The following NIPSNAP2 variants were observed in gnomAD, a reference collection of about 807,000 sequenced individuals.
NIPSNAP2 encodes the protein protein NipSnap homolog 2.
A neutral mutation model predicts 48.4 loss-of-function variants in NIPSNAP2; 42 were observed. The ratio of observed to expected loss-of-function variants is 0.87; its 90% CI spans 0.68 to 1.12. The LOEUF (loss-of-function observed/expected upper bound fraction) is 1.12. Ranked by LOEUF, NIPSNAP2 falls within the 50% of genes most tolerant of loss-of-function variation. NIPSNAP2 has a pLI of 0.00. For missense variants in NIPSNAP2, 314 were observed against 347.3 expected (o/e 0.90, Z 0.76); for synonymous variants, 158 against 126.6 (o/e 1.25, Z -1.67).
At chr7:55,971,535 T>G (rs1473071652) in intron 1 of NIPSNAP2, among the ~76,000 whole-genome samples, 1 of 152,108 alleles carries the variant, frequency 6.6e-6, no homozygotes, top group East Asian at 1.9e-4. Context: ...TGATCATAGC[T>G]CACTACAGCA....
At chr7:55,981,855 G>A (rs766350531) in intron 4 of NIPSNAP2, 2 of 367,364 alleles carry the variant, frequency 5.4e-6, no homozygotes, top group Non-Finnish European at 9.9e-6. Context: ...GCCCAGGCTG[G>A]AGTGCAGTGA....
intron 2 of NIPSNAP2, 24 bp downstream of exon 2, chr7:55,978,289 C>T: frequency 6.2e-7 from 1 of 1,613,286 alleles, no homozygotes; most frequent in South Asian, 1.1e-5. Context: ...TTGCTATCTT[C>T]ATAGTTGACT....
chr7:55,967,902 G>T (rs925922097), intron 1 of NIPSNAP2, among the ~76,000 whole-genome samples: 2 of 151,344 alleles, frequency 1.3e-5, no homozygotes, highest in African/African-American at 2.4e-5. Context: ...CTCCCACCAC[G>T]GCCTCCCAAA....
At position 55,981,560 on chromosome 7, in the gene NIPSNAP2, C is replaced by A. The variant is rs1410774861; in HGVS notation, c.366C>A (p.Asp122Glu). 6.2e-7 allele frequency: 1 copy of A among 1,612,498 alleles called. No homozygotes were observed. Among genetic ancestry groups the A allele is most frequent in the Non-Finnish European group, 8.5e-7 (1 of 1,178,824 alleles). The change falls in exon 4 of 10, where the codon GAC (aspartate) becomes GAA (glutamate). Residue 122 changes from aspartate (D) to glutamate (E), a missense_variant. By Grantham distance (45) the Asp-to-Glu change is conservative. Around this residue, in one of 2 missense-constraint regions of NIPSNAP2, gnomAD observed 198 missense variants for 185.5 expected, o/e 1.07. Transcript: ENST00000322090. ...GGAACACGTGGTATGGCGAGCAGGA[C>A]CAAGCTGGTAGGAAGCGAAGTCTTT... Reference protein sequence around the residue: ...GTWNTWYGEQDQAVHLWRYEG... With the variant: ...GTWNTWYGEQEQAVHLWRYEG...
intron 1 of NIPSNAP2, among the ~76,000 whole-genome samples, chr7:55,977,480 A>T (rs1342075709): frequency 6.6e-6 from 1 of 152,160 alleles, no homozygotes. Flanking sequence ...TATTTTTAAA[A>T]TATTTTTATT....
At chr7:55,997,902 T>G (rs1331085038) in intron 9 of NIPSNAP2, among the ~76,000 whole-genome samples, 1 of 152,228 alleles carries the variant, frequency 6.6e-6, no homozygotes. Context: ...ACATAATACA[T>G]GCATGTGCAC....
At chr7:55,979,536 C>T (rs994843322) in intron 3 of NIPSNAP2, 3 of 329,638 alleles carry the variant, frequency 9.1e-6, no homozygotes, top group East Asian at 7.5e-5. Flanking sequence ...CATTCTTCAT[C>T]GGACATGTAT....
intron 5 of NIPSNAP2, 61 bp from the exon 6 acceptor site, chr7:55,983,667 C>T: frequency 6.4e-7 from 1 of 1,552,706 alleles, no homozygotes; most frequent in Non-Finnish European, 8.9e-7. Flanking sequence ...ATCAATGTTA[C>T]TGAAATGGGC....
chr7:55,997,898 T>C (rs1213475122), intron 9 of NIPSNAP2, among the ~76,000 whole-genome samples: 3 of 152,210 alleles, frequency 2.0e-5, no homozygotes, highest in Non-Finnish European at 4.4e-5. Flanking sequence ...GGGTACATAA[T>C]ACATGCATGT....
intron 1 of NIPSNAP2, among the ~76,000 whole-genome samples, chr7:55,975,124 A>G (rs961430966): frequency 6.6e-6 from 1 of 151,920 alleles, no homozygotes; most frequent in Non-Finnish European, 1.5e-5. Context: ...AGGCCAAGGC[A>G]GGAGGATCGC....
rs1281942878 is a variant in NIPSNAP2 at position 55,999,147 on chromosome 7, C to G, written c.*75C>G. On this transcript the variant is annotated 3_prime_UTR_variant, in exon 10 of 10. Transcript: ENST00000322090. ...TCGTAAATTAATTTTAATTGTGTAT[C>G]AAGTGAAAAAGAAACACTGAGGTTT... 1 of 1,295,030 alleles carries G rather than the reference C, an allele frequency of 7.7e-7. No individual in the cohort carries two copies. Among genetic ancestry groups the G allele is most frequent in the African/African-American group, 1.5e-5 (1 of 67,450 alleles). The allele number at this position is 1,295,030 out of a possible 1,614,324, so 80.2% of individuals were successfully genotyped here.
Position 55,964,599 on chromosome 7 carries a change from C to T in NIPSNAP2, c.-11C>T. 1 of 1,012,980 alleles carries T rather than the reference C, an allele frequency of 9.9e-7. No individual in the cohort carries two copies. Among genetic ancestry groups the T allele is most frequent in the Non-Finnish European group, 1.2e-6 (1 of 848,704 alleles). 62.7% of individuals were successfully genotyped at this position (1,012,980 alleles called of 1,614,324 possible). On this transcript the variant is annotated 5_prime_UTR_variant, in exon 1 of 10. Transcript: ENST00000322090. ...GGCGCCCGGGCGGTGGGAGCCGAGG[C>T]GCCGAGCAAGATGGCGGCGCGAGTG...
In NIPSNAP2 at chr7:55,998,838, A is replaced by G. The variant is rs556476440; in HGVS notation, c.797-170A>G. Among the ~76,000 whole-genome samples the G allele has an allele frequency of 3.9e-5, 6 of 152,226 alleles. No homozygotes were observed. The South Asian group carries it at 1.2e-3, about 32-fold the overall frequency. Reference sequence around the variant, plus strand: ...AGCATCTTGTAGGATGGCAGCTGATACAGGGTCCGCTTGTATATTTCTGCC... The same window carrying G: ...AGCATCTTGTAGGATGGCAGCTGATGCAGGGTCCGCTTGTATATTTCTGCC... On this transcript the variant is annotated intron_variant, in intron 9 of 9. Transcript: ENST00000322090.
chr7:55,987,918 A>G (rs1787364088), intron 7 of NIPSNAP2, among the ~76,000 whole-genome samples: 1 of 152,176 alleles, frequency 6.6e-6, no homozygotes, highest in Admixed American at 6.5e-5. Context: ...CTGCATAAAA[A>G]TGGGTAAGAT....
chr7:55,975,578 AT>A, intron 1 of NIPSNAP2, among the ~76,000 whole-genome samples: 1 of 152,280 alleles, frequency 6.6e-6, no homozygotes, highest in East Asian at 1.9e-4. Context: ...TTATAAAAGG[AT>A]TAACTTCAAG....
At chr7:55,986,983 T>A (rs865885525) in intron 7 of NIPSNAP2, among the ~76,000 whole-genome samples, 1,667 of 54,240 alleles carry the variant, frequency 0.031, 21 homozygotes, top group African/African-American at 0.098. Flanking sequence ...CCTGTCTCTA[T>A]AAAAAAAAAA....
At chr7:55,981,664 C>G (rs1787219601) in intron 4 of NIPSNAP2, 97 bp downstream of exon 4, 1 of 704,882 alleles carries the variant, frequency 1.4e-6, no homozygotes, top group Non-Finnish European at 2.4e-6. Context: ...ATCATCAAAG[C>G]TTTCCAAGTC....
chr7:55,968,331 G>A (rs10237524), intron 1 of NIPSNAP2, among the ~76,000 whole-genome samples: 53,193 of 151,624 alleles, frequency 0.35, 9,264 homozygotes, highest in South Asian at 0.38. Context: ...TGTTTTGGAG[G>A]TACATGCTGA....
chr7:55,988,598 G>A (rs778886186), intron 7 of NIPSNAP2, among the ~76,000 whole-genome samples: 4 of 152,100 alleles, frequency 2.6e-5, no homozygotes, highest in East Asian at 1.9e-4. Flanking sequence ...AGTGGTTCAC[G>A]CCTGTAATCC....
Sources: allele counts gnomAD v4.1 joint callset (sites outside exome capture counted in the v4.1 genomes callset), GRCh38; gene constraint gnomAD v4.1.1; regional missense constraint gnomAD v4.1.1; transcripts MANE v1.5; gene names NCBI Gene and HGNC (gene_info 2026-07-23, HGNC 2026-07-21).